Variants in RBFOX1 observed in about 807,000 individuals in gnomAD.
The protein encoded by RBFOX1 is RNA binding protein fox-1 homolog 1.
A neutral mutation model predicts 57.7 loss-of-function variants in RBFOX1; 8 were observed. The ratio of observed to expected loss-of-function variants is 0.14; its 90% CI spans 0.08 to 0.25. The LOEUF (loss-of-function observed/expected upper bound fraction) is 0.25. Ranked by LOEUF, RBFOX1 falls within the 10% of genes least tolerant of loss-of-function variation. The pLI, the probability that RBFOX1 is intolerant of heterozygous loss-of-function variation, is 1.00. For synonymous variants in RBFOX1, 326 were observed against 222.4 expected (o/e 1.47, Z -4.15); for missense variants, 611 against 548.5 (o/e 1.11, Z -1.14).
At chr16:5,569,707 A>G (rs2046213073) in intron 2 of RBFOX1, among the ~76,000 whole-genome samples, 1 of 151,930 alleles carries the variant, frequency 6.6e-6, no homozygotes, top group Admixed American at 6.6e-5. Context: ...TAGAGTGGGG[A>G]GTATTCAGTT....
chr16:6,822,434 C>G (rs377735604), intron 3 of RBFOX1, among the ~76,000 whole-genome samples: 2 of 152,214 alleles, frequency 1.3e-5, no homozygotes, highest in East Asian at 3.8e-4. Context: ...ACTTTCATTG[C>G]TAACTTGTAA....
rs371415709 is a variant in RBFOX1 at position 5,793,613 on chromosome 16, A to G, written c.319-73690A>G. Among the ~76,000 whole-genome samples, 13 of 151,920 alleles carry G rather than the reference A, an allele frequency of 8.6e-5. 1 individual carries two copies. The highest frequency in any genetic ancestry group is 3.1e-4 in the African/African-American group (13 of 41,432). ...TCTTCACCTCCTCATCTTACCCACT[A>G]CTCAAGAGCAGTGCTCACAAAGCAG... On this transcript the variant is annotated intron_variant, in intron 3 of 19. Coordinates refer to the RBFOX1 transcript ENST00000641259.
chr16:7,038,930 C>G (rs2045332030), intron 3 of RBFOX1, among the ~76,000 whole-genome samples: 1 of 152,200 alleles, frequency 6.6e-6, no homozygotes, highest in Non-Finnish European at 1.5e-5. Flanking sequence ...ATCCTGACCT[C>G]TGACATCCCT....
At chr16:5,886,527 C>T (rs1411376552) in intron 4 of RBFOX1, among the ~76,000 whole-genome samples, 1 of 152,196 alleles carries the variant, frequency 6.6e-6, no homozygotes. Flanking sequence ...ACAGCAATAA[C>T]TAACATTTGG....
intron 2 of RBFOX1, chr16:6,573,905 ACAGT>A (rs1239652386): frequency 6.6e-6 from 1 of 152,166 alleles, no homozygotes; most frequent in Non-Finnish European, 1.5e-5. Flanking sequence ...GTCTTGGAGG[ACAGT>A]CAGAGGAAGA....
chr16:6,836,820 C>G lies in RBFOX1; in HGVS notation c.-16+182170C>G, dbSNP rs111713976. Among the ~76,000 whole-genome samples, 123 of 152,232 alleles carry G rather than the reference C, an allele frequency of 8.1e-4. 1 individual carries two copies. The highest frequency in any genetic ancestry group is 2.8e-3 in the African/African-American group (118 of 41,546). On this transcript the variant is annotated intron_variant, in intron 3 of 15. Coordinates refer to ENST00000550418, the MANE Select transcript of RBFOX1 (RefSeq NM_018723.4). Reference sequence around the variant, plus strand: ...AAAGTACAGATGTTTTTTAAAAAATCAAGTAAATATTATGTGTGAGTCCAT... The same window carrying G: ...AAAGTACAGATGTTTTTTAAAAAATGAAGTAAATATTATGTGTGAGTCCAT...
intron 1 of RBFOX1, among the ~76,000 whole-genome samples, chr16:6,170,144 T>C (rs1207363236): frequency 1.3e-5 from 2 of 152,172 alleles, no homozygotes; most frequent in Non-Finnish European, 2.9e-5. Context: ...TAGTTTGCTT[T>C]AACACAGCTG....
intron 2 of RBFOX1, among the ~76,000 whole-genome samples, chr16:6,607,603 C>G (rs1239797542): frequency 6.6e-6 from 1 of 151,296 alleles, no homozygotes; most frequent in Non-Finnish European, 1.5e-5. Context: ...TCTCTCTCTC[C>G]TCTCTCTTTC....
At chr16:7,082,139 T>C (rs190381414) in intron 4 of RBFOX1, among the ~76,000 whole-genome samples, 25 of 152,258 alleles carry the variant, frequency 1.6e-4, no homozygotes, top group Non-Finnish European at 7.4e-5. Flanking sequence ...TAATTCCCTG[T>C]TATCTATCTT....
chr16:7,612,223 A>C (rs960971178), intron 10 of RBFOX1, among the ~76,000 whole-genome samples: 1 of 146,674 alleles, frequency 6.8e-6, no homozygotes, highest in African/African-American at 2.5e-5. Flanking sequence ...TGGGAGGCAG[A>C]GGCAGGAGAA....
chr16:5,950,364 C>T (rs1458976108), intron 4 of RBFOX1, among the ~76,000 whole-genome samples: 1 of 152,152 alleles, frequency 6.6e-6, no homozygotes, highest in Non-Finnish European at 1.5e-5. Context: ...AATCTTTCAC[C>T]CAGTGGTTTT....
chr16:7,500,103 A>C (rs2070203252), intron 4 of RBFOX1, among the ~76,000 whole-genome samples: 1 of 152,132 alleles, frequency 6.6e-6, no homozygotes. Flanking sequence ...GACGTCCTTA[A>C]AAGATCACAC....
At chr16:7,549,962 C>T (rs1218538288) in intron 5 of RBFOX1, among the ~76,000 whole-genome samples, 1 of 152,044 alleles carries the variant, frequency 6.6e-6, no homozygotes, top group African/African-American at 2.4e-5. Context: ...CAGGGTTTTA[C>T]TCTGTCACTT....
chr16:7,702,782 A>AACAACTCATTGGTAAT (rs1374633081), intron 14 of RBFOX1, among the ~76,000 whole-genome samples: 3 of 152,236 alleles, frequency 2.0e-5, no homozygotes, highest in Non-Finnish European at 4.4e-5. Context: ...GGGCAAAAGC[A>AACAACTCATTGGTAAT]ACAACTCATT....
chr16:5,675,237 C>T (rs1251516591), intron 3 of RBFOX1, among the ~76,000 whole-genome samples: 2 of 152,138 alleles, frequency 1.3e-5, no homozygotes, highest in Admixed American at 1.3e-4. Context: ...CACACACGCA[C>T]ACCCACCCAC....
At chr16:6,378,129 G>T (rs2795562) in intron 2 of RBFOX1, among the ~76,000 whole-genome samples, 67,872 of 152,088 alleles carry the variant, frequency 0.45, 15,334 homozygotes, top group East Asian at 0.48. Flanking sequence ...ATCAAGACCA[G>T]GCTGGAGGCT....
At chr16:6,752,293 T>G (rs1184204734) in intron 3 of RBFOX1, among the ~76,000 whole-genome samples, 2 of 152,202 alleles carry the variant, frequency 1.3e-5, no homozygotes, top group African/African-American at 4.8e-5. Flanking sequence ...GCAATTTGGA[T>G]GTACTCCAGA....
At chr16:6,846,326 C>A (rs2093752934) in intron 3 of RBFOX1, among the ~76,000 whole-genome samples, 1 of 152,188 alleles carries the variant, frequency 6.6e-6, no homozygotes, top group African/African-American at 2.4e-5. Context: ...ACTCACTCAA[C>A]ATGGACACAT....
At chr16:5,781,589 G>C (rs144022757) in intron 3 of RBFOX1, among the ~76,000 whole-genome samples, 1 of 152,194 alleles carries the variant, frequency 6.6e-6, no homozygotes, top group Non-Finnish European at 1.5e-5. Flanking sequence ...TACGGACTCC[G>C]CCGCAACCAT....
Sources: allele counts gnomAD v4.1 joint callset (sites outside exome capture counted in the v4.1 genomes callset), GRCh38; gene constraint gnomAD v4.1.1; transcripts MANE v1.5; gene names NCBI Gene and HGNC (gene_info 2026-07-23, HGNC 2026-07-21).